Variants in TUSC3 observed in about 807,000 individuals in gnomAD.
TUSC3 encodes dolichyl-diphosphooligosaccharide--protein glycosyltransferase subunit TUSC3.
TUSC3 carries 45 observed loss-of-function variants against 44.8 expected under a neutral mutation model. The ratio of observed to expected loss-of-function variants is 1.00; its 90% CI spans 0.79 to 1.29. TUSC3 has a LOEUF of 1.29. Among genes scored for constraint, TUSC3 ranks in the 50% most tolerant of loss-of-function variants. TUSC3 has a pLI of 0.00. For synonymous variants in TUSC3, 212 were observed against 152.9 expected (o/e 1.39, Z -2.85); for missense variants, 519 against 437.9 (o/e 1.19, Z -1.65).
intron 9 of TUSC3, among the ~76,000 whole-genome samples, chr8:15,749,678 T>G (rs1462943154): frequency 6.6e-6 from 1 of 151,750 alleles, no homozygotes; most frequent in Non-Finnish European, 1.5e-5. Flanking sequence ...AATTTTGGTT[T>G]TGATGATGTG....
intron 1 of TUSC3, among the ~76,000 whole-genome samples, chr8:15,541,986 A>G (rs1012393853): frequency 1.4e-5 from 2 of 147,172 alleles, no homozygotes; most frequent in African/African-American, 4.9e-5. Context: ...GTATTTTAAG[A>G]CTGACCTTAA....
Position 15,548,488 on chromosome 8 carries a change from G to A in TUSC3, c.138+7920G>A, listed in dbSNP as rs145112931. Among the ~76,000 whole-genome samples the A allele has an allele frequency of 3.2e-4, 48 of 151,932 alleles. 1 individual carries two copies. The highest frequency in any genetic ancestry group is 1.0e-3 in the African/African-American group (43 of 41,534). On this transcript the variant is annotated intron_variant, in intron 1 of 10. Transcript: ENST00000503731. ...CATCCTGTCTTTGGAGTGTGTGTAT[G>A]AGAATGTGATGCTTTGGTTGCTGAA...
the TUSC3 span, among the ~76,000 whole-genome samples, chr8:15,812,365 A>C: frequency 6.6e-6 from 1 of 152,198 alleles, no homozygotes; most frequent in East Asian, 1.9e-4. Flanking sequence ...AAAATATGAA[A>C]GTGCACATAT....
At chr8:15,832,025 T>C in the TUSC3 span, among the ~76,000 whole-genome samples, 1 of 152,066 alleles carries the variant, frequency 6.6e-6, no homozygotes, top group Non-Finnish European at 1.5e-5. Flanking sequence ...AAAAACAGTA[T>C]GTTGAAGGGA....
At chr8:15,536,032 G>A (rs139422567), upstream of TUSC3, among the ~76,000 whole-genome samples, 1 of 152,292 alleles carries the variant, frequency 6.6e-6, no homozygotes, top group Non-Finnish European at 1.5e-5. Flanking sequence ...ATTAGTGTTT[G>A]TAACTGTATT....
intron 6 of TUSC3, among the ~76,000 whole-genome samples, chr8:15,680,639 G>A (rs906565002): frequency 6.6e-6 from 1 of 152,104 alleles, no homozygotes. Context: ...AATAGTAGTA[G>A]AGAGTGGACA....
intron 2 of TUSC3, among the ~76,000 whole-genome samples, chr8:15,488,131 C>T (rs1050338012): frequency 1.3e-5 from 2 of 151,978 alleles, no homozygotes; most frequent in African/African-American, 4.8e-5. Context: ...TCTAAGTCCC[C>T]TCTTTATTGA....
chr8:15,694,716 G>A (rs1809082306), intron 6 of TUSC3, among the ~76,000 whole-genome samples: 1 of 152,154 alleles, frequency 6.6e-6, no homozygotes, highest in African/African-American at 2.4e-5. Context: ...CTTAGCTCAG[G>A]ACTCCCGAGC....
chr8:15,822,355 G>C, the TUSC3 span, among the ~76,000 whole-genome samples: 2 of 152,078 alleles, frequency 1.3e-5, no homozygotes, highest in Non-Finnish European at 2.9e-5. Context: ...TTTACAGATG[G>C]TATTATTAAT....
intron 1 of TUSC3, among the ~76,000 whole-genome samples, chr8:15,595,718 TAG>T (rs1804040120): frequency 6.6e-6 from 1 of 152,222 alleles, no homozygotes; most frequent in Non-Finnish European, 1.5e-5. Context: ...TTTTTAAGCC[TAG>T]TGTAATACAA....
the TUSC3 span, among the ~76,000 whole-genome samples, chr8:15,841,926 C>G: frequency 5.3e-5 from 8 of 152,154 alleles, no homozygotes; most frequent in African/African-American, 1.9e-4. Flanking sequence ...CTATCTATGA[C>G]TTATTTTAAG....
At chr8:15,772,882 C>G in the TUSC3 span, among the ~76,000 whole-genome samples, 2 of 131,462 alleles carry the variant, frequency 1.5e-5, no homozygotes, top group Admixed American at 1.6e-4. Context: ...ACCACATGAA[C>G]AGAATGAAGA....
At chr8:15,761,861 T>A (rs17121929) in intron 10 of TUSC3, among the ~76,000 whole-genome samples, 9,915 of 152,162 alleles carry the variant, frequency 0.065, 460 homozygotes, top group Non-Finnish European at 0.1. Context: ...ATCCAGGCAC[T>A]CCTGAACCAT....
At chr8:15,570,301 C>CAG (rs1802827454) in intron 1 of TUSC3, among the ~76,000 whole-genome samples, 1 of 150,854 alleles carries the variant, frequency 6.6e-6, no homozygotes. Flanking sequence ...CACACACACA[C>CAG]ACTCTTACTG....
Position 15,560,515 on chromosome 8 carries a change from G to T in TUSC3, c.138+19947G>T, listed in dbSNP as rs1237117773. On this transcript the variant is annotated intron_variant, in intron 1 of 10. Coordinates refer to ENST00000503731, the MANE Select transcript of TUSC3 (RefSeq NM_006765.4). ...GCTCTTCTCGAGAAGTATCTTTGTG[G>T]CATTCTCTGTGTTTCCTGAATCTGA... Among the ~76,000 whole-genome samples the T allele has an allele frequency of 3.3e-5, 5 of 150,774 alleles. No homozygotes were observed. The South Asian group carries it at 6.3e-4, about 19-fold the overall frequency.
intron 5 of TUSC3, among the ~76,000 whole-genome samples, chr8:15,665,233 A>G (rs1227252791): frequency 1.3e-5 from 2 of 151,570 alleles, no homozygotes; most frequent in Non-Finnish European, 3.0e-5. Context: ...TGAACCTTGT[A>G]AGAGTAGACA....
At chr8:15,768,444 C>T (rs914454181), downstream of TUSC3, among the ~76,000 whole-genome samples, 12 of 151,976 alleles carry the variant, frequency 7.9e-5, no homozygotes, top group South Asian at 4.1e-4. Flanking sequence ...ATCTTATTCA[C>T]AAGAAAGAAA....
intron 1 of TUSC3, among the ~76,000 whole-genome samples, chr8:15,597,285 C>T (rs1434015574): frequency 1.3e-5 from 2 of 152,068 alleles, no homozygotes; most frequent in African/African-American, 4.8e-5. Flanking sequence ...GCCCTTAGAT[C>T]TTAAGAGATC....
At chr8:15,694,503 ACT>A (rs1276704596) in intron 6 of TUSC3, among the ~76,000 whole-genome samples, 4 of 150,334 alleles carry the variant, frequency 2.7e-5, no homozygotes, top group Middle Eastern at 3.3e-3. Flanking sequence ...GTAAGAAGAC[ACT>A]CTGGCTTTTT....
Sources: gnomAD v4.1 joint callset for allele counts (sites outside exome capture counted in the v4.1 genomes callset) on GRCh38, gnomAD v4.1.1 for gene constraint, MANE v1.5 for transcripts, NCBI Gene and HGNC (gene_info 2026-07-23, HGNC 2026-07-21) for gene names.